KANK4: variants seen among roughly 807,000 people sequenced by gnomAD.
The protein encoded by KANK4 is KN motif and ankyrin repeat domain-containing protein 4.
A neutral mutation model predicts 80.8 loss-of-function variants in KANK4; 50 were observed. The ratio of observed to expected loss-of-function variants is 0.62; its 90% CI spans 0.49 to 0.78. The LOEUF is 0.78. KANK4 is among the 30% of genes least tolerant of loss of function. The probability of loss-of-function intolerance (pLI) is 0.00; values close to 1 mark genes in which losing one functional copy is unlikely to be tolerated. For missense variants in KANK4, 1,196 were observed against 1,240.1 expected, an observed-to-expected ratio of 0.96 and a Z score of 0.53; for synonymous variants, 465 against 506.9, an observed-to-expected ratio of 0.92 and a Z score of 1.11.
chr1:62,261,315 C>T (rs1405710646), intron 7 of KANK4, among the ~76,000 whole-genome samples: 2 of 152,024 alleles, frequency 1.3e-5, no homozygotes, highest in African/African-American at 4.8e-5. Context: ...TGCGTCACTA[C>T]CACCCAGCTA....
intron 2 of KANK4, among the ~76,000 whole-genome samples, chr1:62,279,198 G>GCGCGCGCGCGCGCGCGCACACACACA (rs1282615199): frequency 1.4e-5 from 2 of 146,182 alleles, no homozygotes; most frequent in African/African-American, 5.1e-5. Flanking sequence ...GCTAGCGCGC[G>GCGCGCGCGCGCGCGCGCACACACACA]CACACACACA....
chr1:62,297,996 T>C (rs187651875), intron 1 of KANK4, among the ~76,000 whole-genome samples: 13 of 149,906 alleles, frequency 8.7e-5, no homozygotes, highest in Non-Finnish European at 1.6e-4. Flanking sequence ...TGTTGTTCTC[T>C]AGGCAGGGCA....
intron 1 of KANK4, among the ~76,000 whole-genome samples, chr1:62,288,849 G>A (rs1436105267): frequency 6.6e-6 from 1 of 152,132 alleles, no homozygotes; most frequent in African/African-American, 2.4e-5. Context: ...AAATCAAACT[G>A]CCAATTGCCA....
chr1:62,313,149 C>G (rs1260316219), intron 1 of KANK4, among the ~76,000 whole-genome samples: 1 of 152,168 alleles, frequency 6.6e-6, no homozygotes, highest in Non-Finnish European at 1.5e-5. Flanking sequence ...TGTTGTTAAT[C>G]TCTTACTGTG....
At chr1:62,305,052 G>A (rs1644439959) in intron 1 of KANK4, among the ~76,000 whole-genome samples, 1 of 150,734 alleles carries the variant, frequency 6.6e-6, no homozygotes, top group African/African-American at 2.4e-5. Context: ...AACGGAAAAG[G>A]AGGGTGCAGG....
chr1:62,252,388 ATTG>A (rs1490210724), intron 8 of KANK4, among the ~76,000 whole-genome samples: 2 of 152,230 alleles, frequency 1.3e-5, no homozygotes, highest in Non-Finnish European at 2.9e-5. Flanking sequence ...ACCACTCACA[ATTG>A]TTGGTGCAGA....
At chr1:62,245,009 C>T (rs990118779) in intron 9 of KANK4, among the ~76,000 whole-genome samples, 4 of 152,228 alleles carry the variant, frequency 2.6e-5, no homozygotes, top group African/African-American at 9.6e-5. Context: ...CTCTCAGATC[C>T]ACTGCCTGAT....
At chr1:62,293,049 A>T (rs72925758) in intron 1 of KANK4, among the ~76,000 whole-genome samples, 116 of 149,128 alleles carry the variant, frequency 7.8e-4, no homozygotes, top group African/African-American at 2.8e-3. Flanking sequence ...CCTGCCATTA[A>T]GTGTCTCAAT....
At position 62,273,434 on chromosome 1, in the gene KANK4, T is replaced by A. The variant is rs776540677; in HGVS notation, c.1670A>T (p.Asp557Val). 1.2e-5 allele frequency: 20 copies of A among 1,613,532 alleles called. No individual in the cohort carries two copies. The Admixed American group carries it at 3.2e-4, about 26-fold the overall frequency. ...CTTCACATACTGCCCAATAGTGGCA[T>A]CCGTTGGCGAGCTTGGTGGCCTTCC... ...HPGRPPSSPT[D>V]ATIGQYVKKI... The change falls in exon 3 of 10, where the codon GAT (aspartate) becomes GTT (valine). Residue 557 changes from aspartate to valine, a missense_variant. Coordinates refer to ENST00000371153, the MANE Select transcript of KANK4 (RefSeq NM_181712.5).
At position 62,263,157 on chromosome 1, in the gene KANK4, T is replaced by C. The variant is rs780189752; in HGVS notation, c.2474A>G (p.Asn825Ser). The change falls in exon 7 of 10, where the codon AAC becomes AGC. Residue 825 changes from asparagine to serine, a missense_variant. Physicochemically the swap from Asn to Ser is conservative, Grantham distance 46. This residue lies in a region of KANK4 where 1,154 missense variants were observed against 1,179.6 expected (regional missense o/e 0.98). Transcript: ENST00000371153. ...LLVNLADHNG[N>S]TALHYSVSHS... ...GGACACGCTGTAGTGAAGGGCCGTG[T>C]TCCCGTTGTGATCGGCCAAGTTGAC... is the stretch of plus-strand genomic sequence containing the variant. 3.7e-6 allele frequency: 6 copies of C among 1,613,914 alleles called. No individual in the cohort carries two copies. In the Admixed American group the frequency reaches 8.3e-5, roughly 22 times the overall value.
chr1:62,255,146 A>G (rs1671721909), intron 7 of KANK4, among the ~76,000 whole-genome samples: 1 of 151,586 alleles, frequency 6.6e-6, no homozygotes, highest in Non-Finnish European at 1.5e-5. Context: ...CAGCCTCCCA[A>G]AGTGCTGGGA....
At chr1:62,295,551 C>T (rs576466542) in intron 1 of KANK4, among the ~76,000 whole-genome samples, 1 of 152,266 alleles carries the variant, frequency 6.6e-6, no homozygotes, top group African/African-American at 2.4e-5. Context: ...TCAATCAGTC[C>T]ACTGATTATC....
rs1319835265 is a variant in KANK4, at chr1:62,263,146, G to T, written c.2485C>A (p.His829Asn). Residue 829 changes from histidine to asparagine, a missense_variant, in exon 7 of 10, where the codon CAC becomes AAC. Coordinates refer to ENST00000371153, the MANE Select transcript of KANK4 (RefSeq NM_181712.5). ...LADHNGNTALHYSVSHSNFSI... is the reference protein window; with the variant it reads ...LADHNGNTALNYSVSHSNFSI... ...AAGTTGGAGTGGGACACGCTGTAGT[G>T]AAGGGCCGTGTTCCCGTTGTGATCG... 1 of 1,613,924 alleles carries T rather than the reference G, an allele frequency of 6.2e-7. No homozygotes were observed. Among genetic ancestry groups the T allele is most frequent in the South Asian group, 1.1e-5 (1 of 91,024 alleles).
At chr1:62,314,413 G>A (rs1483660853) in intron 1 of KANK4, among the ~76,000 whole-genome samples, 3 of 152,130 alleles carry the variant, frequency 2.0e-5, no homozygotes, top group Non-Finnish European at 4.4e-5. Flanking sequence ...TGAGCGCAGC[G>A]CCTGAAAACA....
In KANK4 at chr1:62,263,124, T is replaced by C. The variant is rs776258596; in HGVS notation, c.2507A>G (p.Asn836Ser). ...TALHYSVSHS[N>S]FSIVKLLLET... ...CAGCAGCAGCTTCACGATGGAGAAGTTGGAGTGGGACACGCTGTAGTGAAG... is the reference window on the plus strand; with the variant it reads ...CAGCAGCAGCTTCACGATGGAGAAGCTGGAGTGGGACACGCTGTAGTGAAG... The change falls in exon 7 of 10, where the codon AAC (asparagine) becomes AGC (serine). Residue 836 changes from asparagine to serine, a missense_variant. Physicochemically the swap from Asn to Ser is conservative, Grantham distance 46 (BLOSUM62 1). Transcript: ENST00000371153. 11 of 1,613,490 alleles carry C rather than the reference T, an allele frequency of 6.8e-6. No individual in the cohort carries two copies. In the South Asian group the frequency reaches 1.1e-4, roughly 16 times the overall value.
At chr1:62,315,705 AT>A (rs1419161647) in intron 1 of KANK4, among the ~76,000 whole-genome samples, 1 of 152,208 alleles carries the variant, frequency 6.6e-6, no homozygotes, top group East Asian at 1.9e-4. Flanking sequence ...AGCCATGTTC[AT>A]GATACTGCAC....
In KANK4 at chr1:62,275,085, T is replaced by C; in HGVS notation, c.19A>G (p.Lys7Glu). 6.3e-7 allele frequency: 1 copy of C among 1,586,510 alleles called. No individual in the cohort carries two copies. Among genetic ancestry groups the C allele is most frequent in the Non-Finnish European group, 8.6e-7 (1 of 1,168,666 alleles). Residue 7 changes from lysine (K) to glutamate (E), a missense_variant and splice_region_variant, in exon 3 of 10, where the codon AAA (lysine) becomes GAA (glutamate). Physicochemically the swap from Lys to Glu is moderately conservative, Grantham distance 56 (BLOSUM62 1). Around this residue, in one of 3 missense-constraint regions of KANK4, gnomAD observed 36 missense variants for 34.0 expected, o/e 1.06. Transcript: ENST00000371153. The stretch of plus-strand genomic sequence containing the variant: ...TCATCCCCCTGAGAGGACTGGTCTT[T>C]GGCTGGGAGACATAAGACAAGTTAA... MEKTDA[K>E]DQSSQGDEEK...
chr1:62,303,562 A>G (rs1362952691), intron 1 of KANK4, among the ~76,000 whole-genome samples: 1 of 152,012 alleles, frequency 6.6e-6, no homozygotes, highest in East Asian at 1.9e-4. Context: ...TCTGCTGCCC[A>G]ATATCGTAGC....
rs146584297 is a variant in KANK4 at position 62,268,444 on chromosome 1, C to T, written c.2074G>A (p.Asp692Asn). 4.3e-5 allele frequency: 69 copies of T among 1,613,946 alleles called. No individual in the cohort carries two copies. In the African/African-American group the frequency reaches 7.9e-4, roughly 18 times the overall value. ...GEDSTPEDLS[D>N]SEAEKKCDGP... The stretch of plus-strand genomic sequence containing the variant: ...TCACACTTCTTCTCTGCCTCGCTGT[C>T]AGACAAGTCCTCTGGGGTGCTGTCC... The change falls in exon 5 of 10, where the codon GAC becomes AAC. Residue 692 changes from aspartate (D) to asparagine (N), a missense_variant. Transcript: ENST00000371153.
Sources: gnomAD v4.1 joint callset for allele counts (sites outside exome capture counted in the v4.1 genomes callset) on GRCh38, gnomAD v4.1.1 for gene constraint, gnomAD v4.1.1 regional missense constraint, MANE v1.5 for transcripts, NCBI Gene and HGNC (gene_info 2026-07-23, HGNC 2026-07-21) for gene names.